DDX52: variants seen among roughly 807,000 people sequenced by gnomAD.
DDX52 encodes the protein probable ATP-dependent RNA helicase DDX52.
In DDX52, 59 loss-of-function variants were observed where a neutral mutation model predicts 76.1. The observed-to-expected ratio is 0.78, with a 90% CI of 0.63 to 0.96. DDX52 has a LOEUF of 0.96. Among genes scored for constraint, DDX52 ranks in the 40% least tolerant of loss-of-function variants. The pLI is 0.00. For synonymous variants in DDX52, 231 were observed against 244.1 expected (o/e 0.95, Z 0.50); for missense variants, 707 against 703.9 (o/e 1.00, Z -0.05).
intron 14 of DDX52, among the ~76,000 whole-genome samples, chr17:37,614,650 C>T (rs973727060): frequency 2.1e-4 from 32 of 152,194 alleles, no homozygotes; most frequent in Non-Finnish European, 4.4e-5. Context: ...GAAACGGTTA[C>T]TAAGTGCTTT....
At chr17:37,621,066 A>G (rs2030059146) in intron 11 of DDX52, 61 bp downstream of exon 11, 1 of 1,564,626 alleles carries the variant, frequency 6.4e-7, no homozygotes, top group Admixed American at 2.0e-5. Flanking sequence ...TGCAGGGAAT[A>G]GCAGGGGTCC....
At chr17:37,639,808 T>C (rs1367384416) in intron 2 of DDX52, among the ~76,000 whole-genome samples, 1 of 152,188 alleles carries the variant, frequency 6.6e-6, no homozygotes, top group Non-Finnish European at 1.5e-5. Flanking sequence ...ATACATTTGT[T>C]GCCACAATGG....
Position 37,610,634 on chromosome 17 carries a change from A to T in DDX52, c.*3662T>A, listed in dbSNP as rs1055206545. ...TGGTCAGGAACTGTACACGCATTTT[A>T]AAAAATCCTCAGTATCCTTAGGAGT... is the stretch of plus-strand genomic sequence containing the variant. On this transcript the variant is annotated 3_prime_UTR_variant, in exon 15 of 15. Transcript: ENST00000617633. The T allele has an allele frequency of 1.3e-5, 2 of 152,186 alleles. No individual in the cohort carries two copies. The highest frequency in any genetic ancestry group is 2.4e-5 in the African/African-American group (1 of 41,444). 9.4% of individuals were successfully genotyped at this position (152,186 alleles called of 1,614,324 possible). A position where few individuals can be genotyped will look rare whatever the true frequency, so the allele number is the denominator to read the frequency against.
At chr17:37,619,685 C>G (rs1031474677) in intron 13 of DDX52, 83 bp downstream of exon 13, 226 of 1,284,554 alleles carry the variant, frequency 1.8e-4, no homozygotes, top group Non-Finnish European at 2.2e-4. Context: ...GCACTGCAGT[C>G]TGGGCAACAG....
chr17:37,626,980 A>C (rs1412055391), intron 6 of DDX52, 120 bp from the exon 7 acceptor site: 2 of 717,472 alleles, frequency 2.8e-6, no homozygotes, highest in African/African-American at 3.6e-5. Context: ...AGCCAACAAC[A>C]CAAAACTATT....
intron 3 of DDX52, 143 bp downstream of exon 3, chr17:37,633,145 T>C (rs1389812585): frequency 3.1e-6 from 3 of 952,814 alleles, no homozygotes; most frequent in Non-Finnish European, 4.2e-6. Flanking sequence ...AAGTTTTCAT[T>C]AAAGTAAAAT....
In DDX52 at chr17:37,621,515, G is replaced by T; in HGVS notation, c.1233C>A (p.Phe411Leu). 6.2e-7 allele frequency: 1 copy of T among 1,608,280 alleles called. No homozygotes were observed. The highest frequency in any genetic ancestry group is 1.1e-5 in the South Asian group (1 of 89,204). The change falls in exon 10 of 15, where the codon TTC (phenylalanine) becomes TTA (leucine). Residue 411 changes from phenylalanine to leucine, a missense_variant. Transcript: ENST00000617633. ...GAACAAAAACAAGAACAGGTGGATTGAAACCCTAAAAGAAGACAAAAATTG... is the reference window on the plus strand; with the variant it reads ...GAACAAAAACAAGAACAGGTGGATTTAAACCCTAAAAGAAGACAAAAATTG... The part of the protein sequence containing the change: ...LAVRELVKKG[F>L]NPPVLVFVQS...
At chr17:37,642,637 T>C in intron 1 of DDX52, 1 of 287,542 alleles carries the variant, frequency 3.5e-6, no homozygotes, top group South Asian at 5.1e-5. Flanking sequence ...GGAAATTAAG[T>C]AACTTGAGGT....
rs142079908 is a variant in DDX52 at position 37,642,196 on chromosome 17, T to C, written c.200A>G (p.Lys67Arg). The C allele has an allele frequency of 6.2e-7, 1 of 1,614,210 alleles. No individual in the cohort carries two copies. The highest frequency in any genetic ancestry group is 2.2e-5 in the East Asian group (1 of 44,878). The change falls in exon 2 of 15, where the codon AAG becomes AGG. Residue 67 changes from lysine to arginine, a missense_variant. Lys to Arg is a conservative substitution (Grantham distance 26, BLOSUM62 2). Coordinates refer to ENST00000617633, the MANE Select transcript of DDX52 (RefSeq NM_007010.5). Reference protein sequence around the residue: ...GVCGASQTHQKPQNGEKKEES... With the variant: ...GVCGASQTHQRPQNGEKKEES... ...TTCTTTTTTCTCTCCATTTTGGGGC[T>C]TCTGATGTGTTTGTGATGCTCCACA...
At chr17:37,619,896 A>G (rs1244853227) in intron 12 of DDX52, 57 bp from the exon 13 acceptor site, 3 of 1,548,752 alleles carry the variant, frequency 1.9e-6, no homozygotes, top group Non-Finnish European at 1.8e-6. Flanking sequence ...ATGTTTATGA[A>G]TGTAAACCCT....
At position 37,621,522 on chromosome 17, in the gene DDX52, T is replaced by C; in HGVS notation, c.1228-2A>G. 6.2e-7 allele frequency: 1 copy of C among 1,600,886 alleles called. No homozygotes were observed. Among genetic ancestry groups the C allele is most frequent in the South Asian group, 1.1e-5 (1 of 87,456 alleles). ...AACAAGAACAGGTGGATTGAAACCC[T>C]AAAAGAAGACAAAAATTGGCATACA... On this transcript the variant is annotated splice_acceptor_variant, in intron 9 of 14. Transcript: ENST00000617633. LOFTEE classifies it high-confidence loss of function.
intron 2 of DDX52, chr17:37,639,405 T>C: frequency 1.0e-6 from 1 of 991,122 alleles, no homozygotes; most frequent in Non-Finnish European, 1.2e-6. Context: ...ACCCAAATCA[T>C]TACTAATTCA....
chr17:37,630,638 T>G (rs903608038), intron 4 of DDX52, among the ~76,000 whole-genome samples: 1 of 146,314 alleles, frequency 6.8e-6, no homozygotes, highest in African/African-American at 2.5e-5. Flanking sequence ...AAACTCACTG[T>G]GTTTTTTTTT....
Position 37,621,169 on chromosome 17 carries a change from A to G in DDX52, c.1459T>C (p.Tyr487His). The G allele has an allele frequency of 6.2e-7, 1 of 1,613,558 alleles. No homozygotes were observed. Among genetic ancestry groups the G allele is most frequent in the East Asian group, 2.2e-5 (1 of 44,872 alleles). ...TCCACTGAGCTAGTTGGAAAGTCAT[A>G]GTTGATCACCAAGTTCACACCTTTA... ...DFKGVNLVINYDFPTSSVEYI... is the reference protein window; with the variant it reads ...DFKGVNLVINHDFPTSSVEYI... Residue 487 changes from tyrosine to histidine, a missense_variant, in exon 11 of 15, where the codon TAT becomes CAT. Coordinates refer to ENST00000617633, the MANE Select transcript of DDX52 (RefSeq NM_007010.5).
chr17:37,641,972 T>C (rs993328372), intron 2 of DDX52, 138 bp downstream of exon 2: 8 of 1,023,802 alleles, frequency 7.8e-6, no homozygotes, highest in Admixed American at 5.3e-5. Context: ...ATATTTCTAA[T>C]GACAAATACC....
Position 37,632,116 on chromosome 17 carries a change from C to A in DDX52, c.600G>T (p.Leu200=). The A allele has an allele frequency of 1.9e-6, 3 of 1,612,724 alleles. No homozygotes were observed. Among genetic ancestry groups the A allele is most frequent in the Non-Finnish European group, 2.5e-6 (3 of 1,179,764 alleles). The stretch of plus-strand genomic sequence containing the variant: ...CATTCTAGATCTTCATACTCACATG[C>A]AGCATAACTGGGATGGCTTGCATTT... ...PIQMQAIPVM[L]HGRELLASAP... Residue 200 remains leucine, a synonymous_variant, in exon 4 of 15, where the codon CTG becomes CTT. Transcript: ENST00000617633.
At chr17:37,631,124 G>A (rs1227381862) in intron 4 of DDX52, 1 of 152,134 alleles carries the variant, frequency 6.6e-6, no homozygotes, top group Non-Finnish European at 1.5e-5. Context: ...TATATCCTTT[G>A]GAAACCAGAA....
chr17:37,631,473 T>C (rs1254496223), intron 4 of DDX52: 1 of 152,442 alleles, frequency 6.6e-6, no homozygotes, highest in Non-Finnish European at 1.5e-5. Context: ...AGGGGCAGGG[T>C]GAGGACTGAA....
rs1003713205 is a variant in DDX52 at position 37,612,031 on chromosome 17, GA to G, written c.*2264del. ...AGTAAGCTAAGGTTAATTTATTGAA[GA>G]AAAAATATATATCTAATATATATAA... On this transcript the variant is annotated 3_prime_UTR_variant, in exon 15 of 15. Coordinates refer to ENST00000617633, the MANE Select transcript of DDX52 (RefSeq NM_007010.5). 4.1e-5 allele frequency: 6 copies of G among 147,214 alleles called. No homozygotes were observed. The highest frequency in any genetic ancestry group is 7.4e-5 in the African/African-American group (3 of 40,392). The allele number at this position is 147,214 out of a possible 1,614,324, so 9.1% of individuals were successfully genotyped here. A position where few individuals can be genotyped will look rare whatever the true frequency, so the allele number is the denominator to read the frequency against.
Sources: gnomAD v4.1 joint callset for allele counts (sites outside exome capture counted in the v4.1 genomes callset) on GRCh38, gnomAD v4.1.1 for gene constraint, MANE v1.5 for transcripts, NCBI Gene and HGNC (gene_info 2026-07-23, HGNC 2026-07-21) for gene names.